Variants in ELK4 observed in about 807,000 individuals in gnomAD.
The protein encoded by ELK4 is ETS transcription factor ELK4.
Under a neutral mutation model 29.6 loss-of-function variants are expected in ELK4, and 16 were observed. The observed-to-expected ratio is 0.54, with a 90% CI of 0.37 to 0.82. The LOEUF is 0.82. ELK4 is among the 40% of genes least tolerant of loss of function. The pLI, the probability that ELK4 is intolerant of heterozygous loss-of-function variation, is 0.00. For missense variants in ELK4, 465 were observed against 507.1 expected, an observed-to-expected ratio of 0.92 and a Z score of 0.80; for synonymous variants, 213 against 191.1, an observed-to-expected ratio of 1.11 and a Z score of -0.95.
intron 1 of ELK4, among the ~76,000 whole-genome samples, chr1:205,631,254 G>C (rs1670579352): frequency 6.6e-6 from 1 of 151,916 alleles, no homozygotes; most frequent in African/African-American, 2.4e-5. Context: ...TCAAAGTCTG[G>C]GGGAAGAGGT....
In ELK4 at chr1:205,608,949, A is replaced by G. The variant is rs1670112645; in HGVS notation, c.*7597T>C. ...ACTGCAATAGTCCCATGGCAGACAT[A>G]TGCTTTTCTTCTGAATTACAGATTG... On this transcript the variant is annotated 3_prime_UTR_variant, in exon 5 of 5. Transcript: ENST00000357992. 1 of 190,012 alleles carries G rather than the reference A, an allele frequency of 5.3e-6. No individual in the cohort carries two copies. The highest frequency in any genetic ancestry group is 1.9e-4 in the South Asian group (1 of 5,172). 11.8% of individuals were successfully genotyped at this position (190,012 alleles called of 1,614,324 possible).
Position 205,631,720 on chromosome 1 carries a change from G to A in ELK4, c.-98C>T, listed in dbSNP as rs1381876837. 3 of 325,984 alleles carry A rather than the reference G, an allele frequency of 9.2e-6. No homozygotes were observed. Among genetic ancestry groups the A allele is most frequent in the Non-Finnish European group, 1.9e-5 (3 of 156,428 alleles). The allele number at this position is 325,984 out of a possible 1,614,324, so 20.2% of individuals were successfully genotyped here. ...AGCCTCCTCCTCACGCTGGAAACTC[G>A]AGGACGGCGCGGCAGCCGCTGCGAC... is the stretch of plus-strand genomic sequence containing the variant. On this transcript the variant is annotated 5_prime_UTR_variant, in exon 1 of 5. Coordinates refer to ENST00000357992, the MANE Select transcript of ELK4 (RefSeq NM_001973.4).
intron 2 of ELK4, among the ~76,000 whole-genome samples, chr1:205,621,924 T>G (rs869142453): frequency 6.6e-6 from 1 of 151,602 alleles, no homozygotes; most frequent in Non-Finnish European, 1.5e-5. Flanking sequence ...CACTTAATGG[T>G]GAAAGAGCCC....
In ELK4 at chr1:205,616,590, G is replaced by A; in HGVS notation, c.1252C>T (p.Pro418Ser). ...GGGGAAAATGGGCCAGGGGTGGAAG[G>A]TCCATCCAGCCCAGACAGAGTGAAT... ...GPFTLSGLDG[P>S]STPGPFSPDL... is the part of the protein sequence containing the mutation. Residue 418 changes from proline (P) to serine (S), a missense_variant, in exon 5 of 5, where the codon CCT (proline) becomes TCT (serine). Pro to Ser is a moderately conservative substitution (Grantham distance 74). Coordinates refer to ENST00000357992, the MANE Select transcript of ELK4 (RefSeq NM_001973.4). The A allele has an allele frequency of 6.2e-7, 1 of 1,614,164 alleles. No homozygotes were observed. The highest frequency in any genetic ancestry group is 1.1e-5 in the South Asian group (1 of 91,086).
chr1:205,631,788 C>A lies in ELK4; in HGVS notation c.-166G>T, dbSNP rs1328273993. The A allele has an allele frequency of 5.4e-6, 1 of 184,386 alleles. No homozygotes were observed. Among genetic ancestry groups the A allele is most frequent in the Non-Finnish European group, 1.1e-5 (1 of 89,906 alleles). The allele number at this position is 184,386 out of a possible 1,614,324, so 11.4% of individuals were successfully genotyped here. ...AGAAGGCGGCGGCGGCCAAGCCGAGCCCGCCGGGTGCCCGCAGCCGCCCGC... is the reference window on the plus strand; with the variant it reads ...AGAAGGCGGCGGCGGCCAAGCCGAGACCGCCGGGTGCCCGCAGCCGCCCGC... On this transcript the variant is annotated 5_prime_UTR_variant, in exon 1 of 5. Coordinates refer to ENST00000357992, the MANE Select transcript of ELK4 (RefSeq NM_001973.4).
At chr1:205,619,525 G>A (rs758476002) in intron 3 of ELK4, 557 of 1,111,486 alleles carry the variant, frequency 5.0e-4, no homozygotes, top group Non-Finnish European at 5.9e-4. Context: ...TGTTCTATGA[G>A]ATGAGCAAGT....
intron 1 of ELK4, among the ~76,000 whole-genome samples, chr1:205,630,379 A>T: frequency 6.6e-6 from 1 of 152,218 alleles, no homozygotes; most frequent in Non-Finnish European, 1.5e-5. Context: ...TTTCCACCCT[A>T]AACATGTTTA....
rs116426872 is a variant in ELK4 at position 205,615,939 on chromosome 1, C to T, written c.*607G>A. On this transcript the variant is annotated 3_prime_UTR_variant, in exon 5 of 5. Coordinates refer to ENST00000357992, the MANE Select transcript of ELK4 (RefSeq NM_001973.4). ...ACCCTGAATAAAGGTAAACAAGATG[C>T]CTTTTCATGGAGTTGCTTACACGTT... 2,371 of 218,054 alleles carry T rather than the reference C, an allele frequency of 0.011. 20 individuals are homozygous for T. Among genetic ancestry groups the T allele is most frequent in the Non-Finnish European group, 0.017 (1,891 of 108,590 alleles). 13.5% of individuals were successfully genotyped at this position (218,054 alleles called of 1,614,324 possible). A position where few individuals can be genotyped will look rare whatever the true frequency, so the allele number is the denominator to read the frequency against.
At chr1:205,621,181 A>G (rs1670338811) in intron 2 of ELK4, among the ~76,000 whole-genome samples, 1 of 145,076 alleles carries the variant, frequency 6.9e-6, no homozygotes, top group Non-Finnish European at 1.5e-5. Flanking sequence ...GTGACAGAGC[A>G]AGAGTCTGTC....
rs777039386 is a variant in ELK4, at chr1:205,620,045, G to A, written c.1001C>T (p.Thr334Met). 1.3e-5 allele frequency: 21 copies of A among 1,614,226 alleles called. No homozygotes were observed. The highest frequency in any genetic ancestry group is 2.2e-5 in the East Asian group (1 of 44,882). Residue 334 changes from threonine to methionine, a missense_variant, in exon 3 of 5, where the codon ACG (threonine) becomes ATG (methionine). Around this residue, in one of 2 missense-constraint regions of ELK4, gnomAD observed 80 missense variants for 119.6 expected, o/e 0.67. Transcript: ENST00000357992. ...TCCCAGTGGGCTTGGATCACTGCTC[G>A]TGATCACAAGGGTGGGTGCCAGTTC... ...GLELAPTLVI[T>M]SSDPSPLGIL...
intron 3 of ELK4, 93 bp from the exon 4 acceptor site, chr1:205,619,166 C>T (rs1029811629): frequency 8.3e-7 from 1 of 1,204,058 alleles, no homozygotes; most frequent in Non-Finnish European, 1.1e-6. Flanking sequence ...CTAAATATTG[C>T]CCTATCCTCC....
chr1:205,619,108 A>C (rs1212361725), intron 3 of ELK4, 35 bp from the exon 4 acceptor site: 2 of 1,467,234 alleles, frequency 1.4e-6, no homozygotes, highest in African/African-American at 1.4e-5. Flanking sequence ...TCACTGACTG[A>C]CTTACCAGGA....
At chr1:205,616,838 A>T (rs1284039618) in intron 4 of ELK4, among the ~76,000 whole-genome samples, 194 bp from the exon 5 acceptor site, 1 of 152,258 alleles carries the variant, frequency 6.6e-6, no homozygotes, top group Non-Finnish European at 1.5e-5. Context: ...GTCCTAACAT[A>T]TTAAATATTA....
At chr1:205,629,170 C>CAAAAAAAAAAAAAAAAAAAA (rs61374496) in intron 1 of ELK4, among the ~76,000 whole-genome samples, 32 of 92,278 alleles carry the variant, frequency 3.5e-4, no homozygotes, top group African/African-American at 5.5e-4. Context: ...GACTACGTCT[C>CAAAAAAAAAAAAAAAAAAAA]AAAAAAAAAA....
At chr1:205,624,079 C>T (rs924558638) in intron 1 of ELK4, among the ~76,000 whole-genome samples, 188 bp from the exon 2 acceptor site, 6 of 152,166 alleles carry the variant, frequency 3.9e-5, no homozygotes, top group African/African-American at 1.4e-4. Flanking sequence ...GGAACTTGTA[C>T]AACATCACAC....
chr1:205,624,444 A>G (rs983764547), intron 1 of ELK4, among the ~76,000 whole-genome samples: 8 of 152,066 alleles, frequency 5.3e-5, no homozygotes, highest in Admixed American at 2.6e-4. Context: ...TTTTGCTCCA[A>G]CTGGTTTCCA....
chr1:205,618,466 A>G (rs1321815284), intron 4 of ELK4, among the ~76,000 whole-genome samples: 4 of 152,234 alleles, frequency 2.6e-5, no homozygotes, highest in Admixed American at 1.3e-4. Flanking sequence ...AAACTTTGCT[A>G]TATTTATTCA....
intron 4 of ELK4, among the ~76,000 whole-genome samples, chr1:205,616,954 G>A (rs1321587013): frequency 1.3e-5 from 2 of 152,206 alleles, no homozygotes; most frequent in Non-Finnish European, 2.9e-5. Flanking sequence ...GAAGGTTTTA[G>A]AAAGTTCAAG....
chr1:205,616,616 G>A lies in ELK4; in HGVS notation c.1226C>T (p.Pro409Leu). 6.2e-7 allele frequency: 1 copy of A among 1,614,118 alleles called. No homozygotes were observed. The highest frequency in any genetic ancestry group is 8.5e-7 in the Non-Finnish European group (1 of 1,180,010). Residue 409 changes from proline (P) to leucine (L), a missense_variant, in exon 5 of 5, where the codon CCA becomes CTA. This residue lies in a region of ELK4 where 80 missense variants were observed against 119.6 expected (regional missense o/e 0.67). Transcript: ENST00000357992. Reference protein sequence around the residue: ...QFPSVLNSHGPFTLSGLDGPS... With the variant: ...QFPSVLNSHGLFTLSGLDGPS... ...TCCATCCAGCCCAGACAGAGTGAAT[G>A]GCCCATGACTGTTCAGTACAGAAGG...
Sources: allele counts gnomAD v4.1 joint callset (sites outside exome capture counted in the v4.1 genomes callset), GRCh38; gene constraint gnomAD v4.1.1; regional missense constraint gnomAD v4.1.1; transcripts MANE v1.5; gene names NCBI Gene and HGNC (gene_info 2026-07-23, HGNC 2026-07-21).